PRKN: variants seen among roughly 807,000 people sequenced by gnomAD.
PRKN encodes parkin RBR E3 ubiquitin protein ligase, also known as E3 ubiquitin-protein ligase parkin.
A neutral mutation model predicts 59.5 loss-of-function variants in PRKN; 56 were observed. The observed-to-expected ratio is 0.94, with a 90% CI of 0.76 to 1.18. PRKN has a LOEUF of 1.18. Among genes scored for constraint, PRKN ranks in the 50% most tolerant of loss-of-function variants. PRKN has a pLI of 0.00. For synonymous variants in PRKN, 250 were observed against 222.1 expected (o/e 1.13, Z -1.12); for missense variants, 657 against 596.4 (o/e 1.10, Z -1.06).
chr6:161,629,968 C>T (rs1460396705), intron 7 of PRKN, among the ~76,000 whole-genome samples: 1 of 152,162 alleles, frequency 6.6e-6, no homozygotes, highest in Non-Finnish European at 1.5e-5. Flanking sequence ...GAAATGCTTT[C>T]AGGTTTTTCA....
At chr6:162,642,205 G>T (rs1447767563) in intron 1 of PRKN, among the ~76,000 whole-genome samples, 1 of 152,096 alleles carries the variant, frequency 6.6e-6, no homozygotes, top group Non-Finnish European at 1.5e-5. Context: ...TAGCAGACTA[G>T]CAAAGCTCAA....
At chr6:162,659,367 G>C (rs538514598) in intron 1 of PRKN, among the ~76,000 whole-genome samples, 1 of 152,156 alleles carries the variant, frequency 6.6e-6, no homozygotes, top group East Asian at 1.9e-4. Flanking sequence ...CTCTGAAAAA[G>C]AGCTATTTCC....
chr6:162,255,540 C>T (rs140166323), intron 3 of PRKN, among the ~76,000 whole-genome samples: 29 of 152,220 alleles, frequency 1.9e-4, no homozygotes, highest in African/African-American at 6.7e-4. Context: ...GATAGGGGGC[C>T]AATGATTCTG....
In PRKN at chr6:162,296,979, C is replaced by T. The variant is rs181717026; in HGVS notation, c.172-34214G>A. 4.5e-4 allele frequency among the ~76,000 whole-genome samples: 68 copies of T among 151,966 alleles called. 1 individual carries two copies. Among genetic ancestry groups the T allele is most frequent in the African/African-American group, 1.4e-3 (59 of 41,392 alleles). On this transcript the variant is annotated intron_variant, in intron 2 of 11. Transcript: ENST00000366898. ...CCTCTCATATTGCAAATGACGTGTCCAATCATACTTCTACAAGGAAAAAAT... is the reference window on the plus strand; with the variant it reads ...CCTCTCATATTGCAAATGACGTGTCTAATCATACTTCTACAAGGAAAAAAT...
intron 4 of PRKN, among the ~76,000 whole-genome samples, chr6:162,144,896 G>A (rs771964905): frequency 5.9e-5 from 9 of 152,094 alleles, no homozygotes; most frequent in South Asian, 2.1e-4. Flanking sequence ...GAGGATGAAC[G>A]TAAAAGGCCT....
At chr6:162,412,926 T>G (rs569807880) in intron 2 of PRKN, among the ~76,000 whole-genome samples, 1 of 152,348 alleles carries the variant, frequency 6.6e-6, no homozygotes, top group South Asian at 2.1e-4. Context: ...TTTTTAAACT[T>G]TCAAAACAAT....
At chr6:161,852,800 G>A (rs1310378545) in intron 6 of PRKN, among the ~76,000 whole-genome samples, 1 of 152,106 alleles carries the variant, frequency 6.6e-6, no homozygotes, top group Non-Finnish European at 1.5e-5. Context: ...CCACCAAATT[G>A]GAACATCTAC....
At chr6:162,490,394 T>C (rs1792754015) in intron 1 of PRKN, among the ~76,000 whole-genome samples, 1 of 152,192 alleles carries the variant, frequency 6.6e-6, no homozygotes, top group African/African-American at 2.4e-5. Flanking sequence ...ACCTTTAAAT[T>C]TGTTTTGATA....
In PRKN at chr6:161,547,848, C is replaced by T. The variant is rs1232224213; in HGVS notation, c.1083+1006G>A. On this transcript the variant is annotated intron_variant, in intron 9 of 11. Transcript: ENST00000366898. The surrounding 1 kb of genome is among the most constrained non-coding windows in gnomAD (Gnocchi z 4.0). ...AGAGGTATTTCTTTCCACTTAGGCA[C>T]CATGGTATCTCATTATTTTTCAACT... 6.6e-6 allele frequency among the ~76,000 whole-genome samples: 1 copy of T among 152,182 alleles called. No individual in the cohort carries two copies. The highest frequency in any genetic ancestry group is 2.4e-5 in the African/African-American group (1 of 41,450).
rs972440627 is a variant in PRKN, at chr6:161,552,245, A to G, written c.934-3242T>C. On this transcript the variant is annotated intron_variant, in intron 8 of 11. Coordinates refer to ENST00000366898, the MANE Select transcript of PRKN (RefSeq NM_004562.3). The surrounding 1 kb of genome is among the most constrained non-coding windows in gnomAD (Gnocchi z 4.9). ...CCGGAATTGTAAAAGGAAGCGGGAC[A>G]TCTCTCGATCACCTCTGCCTATGAC... Among the ~76,000 whole-genome samples the G allele has an allele frequency of 6.6e-6, 1 of 152,026 alleles. No homozygotes were observed. The highest frequency in any genetic ancestry group is 1.5e-5 in the Non-Finnish European group (1 of 68,044).
rs1486650809 is a variant in PRKN, at chr6:161,554,401, T to TAC, written c.934-5399_934-5398insGT. Among the ~76,000 whole-genome samples the TAC allele has an allele frequency of 2.5e-5, 1 of 39,304 alleles. No homozygotes were observed. The highest frequency in any genetic ancestry group is 4.5e-5 in the Non-Finnish European group (1 of 22,450). 25.8% of individuals were successfully genotyped at this position (39,304 alleles called of 152,430 possible). A position where few individuals can be genotyped will look rare whatever the true frequency, so the allele number is the denominator to read the frequency against. On this transcript the variant is annotated intron_variant, in intron 8 of 11. Transcript: ENST00000366898. This position sits in a 1 kb window ranked among gnomAD's most constrained non-coding sequence, Gnocchi z 4.5. The stretch of plus-strand genomic sequence containing the variant: ...CTTAACCTTCATGTTATCTTACTTC[T>TAC]ATACACACACACACACACACACACA...
rs1781359826 is a variant in PRKN at position 161,582,063 on chromosome 6, C to T, written c.872-12647G>A. On this transcript the variant is annotated intron_variant, in intron 7 of 11. Coordinates refer to ENST00000366898, the MANE Select transcript of PRKN (RefSeq NM_004562.3). The surrounding 1 kb of genome is among the most constrained non-coding windows in gnomAD (Gnocchi z 4.4). ...CCCCAGCTCACCGTGCCCAGAGCTC[C>T]ACGCATGACTGAATGGTGAATTTGG... Among the ~76,000 whole-genome samples the T allele has an allele frequency of 6.6e-6, 1 of 152,200 alleles. No individual in the cohort carries two copies. Among genetic ancestry groups the T allele is most frequent in the African/African-American group, 2.4e-5 (1 of 41,450 alleles).
intron 1 of PRKN, among the ~76,000 whole-genome samples, chr6:162,616,983 G>A (rs901853541): frequency 6.6e-6 from 1 of 152,116 alleles, no homozygotes; most frequent in Non-Finnish European, 1.5e-5. Context: ...GCATTGTTAA[G>A]CAGTAAGAAT....
chr6:161,875,002 T>A (rs866235661), intron 6 of PRKN, among the ~76,000 whole-genome samples: 99 of 83,480 alleles, frequency 1.2e-3, no homozygotes, highest in Non-Finnish European at 1.5e-3. Flanking sequence ...ATATATAATA[T>A]ATTATATATT....
chr6:162,204,503 T>C (rs562984148), intron 3 of PRKN, among the ~76,000 whole-genome samples: 16 of 152,308 alleles, frequency 1.1e-4, no homozygotes, highest in Admixed American at 9.8e-4. Flanking sequence ...TTCAATCCAC[T>C]TGTAGGGCTT....
intron 4 of PRKN, among the ~76,000 whole-genome samples, chr6:162,177,294 T>C (rs1254098582): frequency 6.6e-6 from 1 of 152,062 alleles, no homozygotes; most frequent in African/African-American, 2.4e-5. Flanking sequence ...AGAAACAAAT[T>C]CAGAAGAAAA....
chr6:162,215,942 C>T (rs998122928), intron 3 of PRKN, among the ~76,000 whole-genome samples: 2 of 152,024 alleles, frequency 1.3e-5, no homozygotes, highest in Non-Finnish European at 2.9e-5. Flanking sequence ...ACTTGGGAGA[C>T]TGAGGCAGGA....
chr6:162,263,612 C>G (rs1224605552), intron 2 of PRKN, among the ~76,000 whole-genome samples: 1 of 152,166 alleles, frequency 6.6e-6, no homozygotes, highest in Non-Finnish European at 1.5e-5. Context: ...AGATTATTTG[C>G]TAGCACAAGA....
At chr6:161,902,550 T>TATCTATCTATC (rs1554245408) in intron 6 of PRKN, among the ~76,000 whole-genome samples, 11,280 of 100,296 alleles carry the variant, frequency 0.11, 842 homozygotes, top group African/African-American at 0.19. Flanking sequence ...ATCTATCTAT[T>TATCTATCTATC]TATTTATTTA....
Sources: allele counts gnomAD v4.1 joint callset (sites outside exome capture counted in the v4.1 genomes callset), GRCh38; gene constraint gnomAD v4.1.1; non-coding constraint Gnocchi (gnomAD v3.1); transcripts MANE v1.5; gene names NCBI Gene and HGNC (gene_info 2026-07-23, HGNC 2026-07-21).